FGF12: variants seen among roughly 807,000 people sequenced by gnomAD.
The protein encoded by FGF12 is fibroblast growth factor 12.
FGF12 carries 14 observed loss-of-function variants against 23.6 expected under a neutral mutation model. That is an observed-to-expected ratio of 0.59 (90% CI 0.39 to 0.93). The LOEUF (loss-of-function observed/expected upper bound fraction) is 0.93. Ranked by LOEUF, FGF12 falls within the 40% of genes least tolerant of loss-of-function variation. The probability of loss-of-function intolerance (pLI) is 0.00; values close to 1 mark genes in which losing one functional copy is unlikely to be tolerated. For missense variants in FGF12, 175 were observed against 217.8 expected (o/e 0.80, Z 1.24); for synonymous variants, 62 against 77.3 (o/e 0.80, Z 1.04).
intron 2 of FGF12, among the ~76,000 whole-genome samples, chr3:192,529,245 C>A (rs766439996): frequency 3.3e-5 from 5 of 152,194 alleles, no homozygotes; most frequent in Non-Finnish European, 7.3e-5. Context: ...AATCATCTCT[C>A]TAAAGTTCAA....
At position 192,195,722 on chromosome 3, in the gene FGF12, A is replaced by G. The variant is rs759639471; in HGVS notation, c.229-25066T>C. Among the ~76,000 whole-genome samples, 85 of 152,284 alleles carry G rather than the reference A, an allele frequency of 5.6e-4. 1 individual carries two copies. Among genetic ancestry groups the G allele is most frequent in the Non-Finnish European group, 1.8e-4 (12 of 68,010 alleles). On this transcript the variant is annotated intron_variant, in intron 4 of 5. Coordinates refer to ENST00000445105, the MANE Select transcript of FGF12 (RefSeq NM_004113.6). Reference sequence around the variant, plus strand: ...TACACATTTCACAATGTGTGTGTGTATATATATGTATGTATGTGTATATAT... The same window carrying G: ...TACACATTTCACAATGTGTGTGTGTGTATATATGTATGTATGTGTATATAT...
chr3:192,325,720 A>G (rs1716784326), intron 4 of FGF12, among the ~76,000 whole-genome samples: 1 of 152,284 alleles, frequency 6.6e-6, no homozygotes, highest in East Asian at 1.9e-4. Context: ...TGAGAGATTA[A>G]CTGTAAAAAC....
intron 2 of FGF12, among the ~76,000 whole-genome samples, chr3:192,685,851 C>A (rs1178976669): frequency 6.6e-6 from 1 of 152,174 alleles, no homozygotes; most frequent in Non-Finnish European, 1.5e-5. Context: ...GTTGTCCTCA[C>A]TGTTATCATT....
intron 2 of FGF12, among the ~76,000 whole-genome samples, chr3:192,705,363 G>T (rs377607971): frequency 1.9e-4 from 29 of 152,328 alleles, no homozygotes; most frequent in South Asian, 1.9e-3. Context: ...ATAGGCCTGA[G>T]AAGAGGGAGA....
chr3:192,159,907 G>C (rs1203260379), intron 5 of FGF12, among the ~76,000 whole-genome samples: 1 of 151,900 alleles, frequency 6.6e-6, no homozygotes, highest in Non-Finnish European at 1.5e-5. Flanking sequence ...CCAGTACTAG[G>C]GGATTACAAG....
intron 2 of FGF12, among the ~76,000 whole-genome samples, chr3:192,656,828 A>G (rs937658116): frequency 1.5e-4 from 23 of 152,160 alleles, no homozygotes; most frequent in African/African-American, 4.8e-4. Context: ...CTGGCTTCCA[A>G]TGTATTTTTT....
At chr3:192,315,371 G>T (rs1046460870) in intron 4 of FGF12, among the ~76,000 whole-genome samples, 2 of 152,050 alleles carry the variant, frequency 1.3e-5, no homozygotes, top group East Asian at 3.9e-4. Flanking sequence ...TCTCTGCTTT[G>T]CCAGATCTCT....
At chr3:192,410,130 C>T (rs768124405) in intron 2 of FGF12, among the ~76,000 whole-genome samples, 4 of 152,074 alleles carry the variant, frequency 2.6e-5, no homozygotes, top group Non-Finnish European at 4.4e-5. Flanking sequence ...CCCGCCGACC[C>T]ACGGAAGAGC....
intron 2 of FGF12, among the ~76,000 whole-genome samples, chr3:192,652,921 G>A (rs947154152): frequency 1.3e-5 from 2 of 152,188 alleles, no homozygotes; most frequent in African/African-American, 2.4e-5. Context: ...ATGCTGAGGT[G>A]GTGAGTCATC....
chr3:192,260,953 A>G (rs917270228), intron 4 of FGF12, among the ~76,000 whole-genome samples: 1 of 152,116 alleles, frequency 6.6e-6, no homozygotes, highest in Non-Finnish European at 1.5e-5. Context: ...CCAAGGATGT[A>G]TAGGGTTTTA....
intron 4 of FGF12, among the ~76,000 whole-genome samples, chr3:192,312,130 T>C (rs1016591569): frequency 6.6e-6 from 1 of 151,364 alleles, no homozygotes; most frequent in African/African-American, 2.5e-5. Context: ...TTTCACTTGA[T>C]TGTGTCCTTT....
At chr3:192,339,179 A>C (rs11915679) in intron 3 of FGF12, among the ~76,000 whole-genome samples, 8,689 of 152,228 alleles carry the variant, frequency 0.057, 579 homozygotes, top group East Asian at 0.34. Context: ...TAAAAGCTAA[A>C]CATAGTTTCT....
intron 2 of FGF12, among the ~76,000 whole-genome samples, chr3:192,503,358 T>C (rs373461303): frequency 1.4e-3 from 216 of 152,236 alleles, no homozygotes; most frequent in African/African-American, 4.9e-3. Context: ...TAAGAGAGGG[T>C]TGAAAATGGA....
rs200298199 is a variant in FGF12 at position 192,196,257 on chromosome 3, GGACGGAT to G, written c.229-25608_229-25602del. Among the ~76,000 whole-genome samples, 935 of 152,130 alleles carry G rather than the reference GGACGGAT, an allele frequency of 6.1e-3. 12 individuals are homozygous for G. The highest frequency in any genetic ancestry group is 0.032 in the East Asian group (164 of 5,182). ...GGAATCAACCCAAGTGTTCCTCAAT[GGACGGAT>G]GAAAAAAGAGTCCATCAACTTTAAA... On this transcript the variant is annotated intron_variant, in intron 4 of 5. Transcript: ENST00000445105.
intron 4 of FGF12, among the ~76,000 whole-genome samples, chr3:192,226,478 A>G (rs1361343081): frequency 1.3e-5 from 2 of 152,200 alleles, no homozygotes; most frequent in Non-Finnish European, 2.9e-5. Context: ...TACTGCAGCC[A>G]TTAATAAGTA....
At chr3:192,152,903 T>G (rs1330648550) in intron 5 of FGF12, among the ~76,000 whole-genome samples, 155 of 12,342 alleles carry the variant, frequency 0.013, no homozygotes, top group Middle Eastern at 0.05. Context: ...TGTCTAATGT[T>G]GACAGTGGGG....
At chr3:192,575,296 A>G (rs1046103486) in intron 2 of FGF12, among the ~76,000 whole-genome samples, 1 of 152,254 alleles carries the variant, frequency 6.6e-6, no homozygotes, top group Non-Finnish European at 1.5e-5. Context: ...AAAATTTGTC[A>G]AATTGTACAT....
In FGF12 at chr3:192,384,101, A is replaced by G. The variant is rs1201188805; in HGVS notation, c.14-23563T>C. On this transcript the variant is annotated intron_variant, in intron 2 of 5. Coordinates refer to ENST00000445105, the MANE Select transcript of FGF12 (RefSeq NM_004113.6). ...TGAGTGCTATCAAGAAGTCACATAA[A>G]TGAGGGCTGAAAAGTATCCATTAGA... 2.0e-5 allele frequency among the ~76,000 whole-genome samples: 3 copies of G among 152,226 alleles called. No homozygotes were observed. In the East Asian group the frequency reaches 5.8e-4, roughly 29 times the overall value.
chr3:192,206,384 G>T (rs1161255559), intron 4 of FGF12, among the ~76,000 whole-genome samples: 1 of 152,154 alleles, frequency 6.6e-6, no homozygotes, highest in Non-Finnish European at 1.5e-5. Flanking sequence ...CCAAGTGGTT[G>T]GAGAATAATA....
Sources: allele counts gnomAD v4.1 joint callset (sites outside exome capture counted in the v4.1 genomes callset), GRCh38; gene constraint gnomAD v4.1.1; transcripts MANE v1.5; gene names NCBI Gene and HGNC (gene_info 2026-07-23, HGNC 2026-07-21).